The following ATG3 variants were observed in gnomAD, a reference collection of about 807,000 sequenced individuals.
ATG3 encodes autophagy related 3.
In ATG3, 25 loss-of-function variants were observed where a neutral mutation model predicts 50.7. That is an observed-to-expected ratio of 0.49 (90% CI 0.36 to 0.69). The LOEUF (loss-of-function observed/expected upper bound fraction) is 0.69. ATG3 is among the 30% of genes least tolerant of loss of function. The pLI, the probability that ATG3 is intolerant of heterozygous loss-of-function variation, is 0.00. For missense variants in ATG3, 281 were observed against 376.0 expected (o/e 0.75, Z 2.09); for synonymous variants, 119 against 125.5 (o/e 0.95, Z 0.34).
intron 2 of ATG3, among the ~76,000 whole-genome samples, chr3:112,553,634 A>G (rs1933586237): frequency 6.6e-6 from 1 of 152,232 alleles, no homozygotes; most frequent in Non-Finnish European, 1.5e-5. Flanking sequence ...AAGCAGTATA[A>G]TGAAATTGAT....
In ATG3 at chr3:112,550,272, C is replaced by G. The variant is rs775215004; in HGVS notation, c.165-10G>C. On this transcript the variant is annotated splice_polypyrimidine_tract_variant and intron_variant, in intron 3 of 11. Coordinates refer to ENST00000283290, the MANE Select transcript of ATG3 (RefSeq NM_022488.5). ...TTCTTCCCCTGTAGCCCTTTAAAAA[C>G]AGTGAAAAGCACCAAAATACAAAAC... 4 of 1,601,380 alleles carry G rather than the reference C, an allele frequency of 2.5e-6. No homozygotes were observed. In the South Asian group the frequency reaches 4.5e-5, roughly 18 times the overall value.
rs1389182573 is a variant in ATG3, at chr3:112,548,546, T to C, written c.330A>G (p.Thr110=). ...TTCTCCTCTTACCTGTGTTGTGATA[T>C]GTATCTACCCATCCGCCATCACCAT... ...EDDGDGGWVD[T]YHNTGITGIT... is the part of the protein sequence containing the mutation. Residue 110 remains threonine, a synonymous_variant, in exon 5 of 12, where the codon ACA becomes ACG. Coordinates refer to ENST00000283290, the MANE Select transcript of ATG3 (RefSeq NM_022488.5). The C allele has an allele frequency of 6.2e-6, 10 of 1,611,028 alleles. No individual in the cohort carries two copies. The highest frequency in any genetic ancestry group is 1.1e-5 in the South Asian group (1 of 91,030).
chr3:112,544,795 C>T (rs1034095209), intron 5 of ATG3, among the ~76,000 whole-genome samples: 2 of 151,860 alleles, frequency 1.3e-5, no homozygotes, highest in African/African-American at 4.8e-5. Flanking sequence ...ATCTGAAGTG[C>T]TTGGGACCAG....
At position 112,532,772 on chromosome 3, in the gene ATG3, A is replaced by G. The variant is rs1187914636; in HGVS notation, c.872T>C (p.Leu291Pro). ...GGELGVHMYL[L>P]IFLKFVQAVI... Reference sequence around the variant, plus strand: ...AGCTTGTACAAATTTCAAGAAAATAAGAAGATACCTAAAGGTTTTTAGCTA... The same window carrying G: ...AGCTTGTACAAATTTCAAGAAAATAGGAAGATACCTAAAGGTTTTTAGCTA... Residue 291 changes from leucine to proline, a missense_variant, in exon 12 of 12, where the codon CTT becomes CCT. Physicochemically the swap from Leu to Pro is moderately conservative, Grantham distance 98. Coordinates refer to ENST00000283290, the MANE Select transcript of ATG3 (RefSeq NM_022488.5). 6.3e-7 allele frequency: 1 copy of G among 1,595,286 alleles called. No homozygotes were observed. Among genetic ancestry groups the G allele is most frequent in the African/African-American group, 1.3e-5 (1 of 74,328 alleles).
chr3:112,537,667 A>C, intron 9 of ATG3, 68 bp downstream of exon 9: 2 of 1,246,290 alleles, frequency 1.6e-6, no homozygotes, highest in Non-Finnish European at 2.2e-6. Context: ...CATGGACCTA[A>C]TGAAGAAGAA....
chr3:112,546,503 T>C (rs1933374268), intron 5 of ATG3, among the ~76,000 whole-genome samples: 1 of 152,216 alleles, frequency 6.6e-6, no homozygotes, highest in Non-Finnish European at 1.5e-5. Context: ...ATTTGGCACT[T>C]AATATTTTTG....
At chr3:112,541,914 TAAG>T in intron 6 of ATG3, 30 bp from the exon 7 acceptor site, 1 of 1,548,916 alleles carries the variant, frequency 6.5e-7, no homozygotes, top group South Asian at 1.1e-5. Context: ...TAAAATCACT[TAAG>T]TATATACATT....
chr3:112,553,187 C>T (rs1933575516), intron 3 of ATG3, 93 bp downstream of exon 3: 3 of 1,057,148 alleles, frequency 2.8e-6, no homozygotes, highest in East Asian at 4.8e-5. Flanking sequence ...ACTGGTCATT[C>T]TAATTTTCAT....
chr3:112,558,329 A>G (rs1370705488), intron 2 of ATG3, 47 bp downstream of exon 2: 1 of 1,395,148 alleles, frequency 7.2e-7, no homozygotes. Context: ...CACCTAGTTT[A>G]GTATTATTGT....
intron 5 of ATG3, 52 bp downstream of exon 5, chr3:112,548,481 T>G (rs986528883): frequency 7.1e-7 from 1 of 1,410,782 alleles, no homozygotes; most frequent in South Asian, 1.2e-5. Context: ...TATAAAAGAT[T>G]GTGAAAGAGT....
At chr3:112,536,920 CAAAAAAAAAAAAAAAAAAAAAAAAAAAA>C (rs56353465) in intron 9 of ATG3, among the ~76,000 whole-genome samples, 5 of 68,404 alleles carry the variant, frequency 7.3e-5, no homozygotes, top group Non-Finnish European at 1.2e-4. Context: ...GACTCCATCT[CAAAAAAAAAAAAAAAAAAAAAAAAAAAA>C]AAAAAAAAAA....
intron 8 of ATG3, 115 bp from the exon 9 acceptor site, chr3:112,538,005 G>A (rs942649996): frequency 1.6e-6 from 2 of 1,253,716 alleles, no homozygotes; most frequent in Non-Finnish European, 2.2e-6. Flanking sequence ...AATGAACTTG[G>A]AACTCAAAGC....
chr3:112,532,963 A>C, intron 11 of ATG3, 183 bp from the exon 12 acceptor site: 1 of 1,259,134 alleles, frequency 7.9e-7, no homozygotes, highest in Non-Finnish European at 1.0e-6. Flanking sequence ...GCTCTTTAAG[A>C]CTACCTGACC....
Position 112,561,454 on chromosome 3 carries a change from T to C in ATG3, c.72+3A>G. 1 of 1,613,356 alleles carries C rather than the reference T, an allele frequency of 6.2e-7. No individual in the cohort carries two copies. The highest frequency in any genetic ancestry group is 8.5e-7 in the Non-Finnish European group (1 of 1,179,826). Reference sequence around the variant, plus strand: ...AGCTCCCGGCAACCCTGGCCTGGCTTACCTTGAGGACCGGGGTCAGGTACT... The same window carrying C: ...AGCTCCCGGCAACCCTGGCCTGGCTCACCTTGAGGACCGGGGTCAGGTACT... On this transcript the variant is annotated splice_donor_region_variant and intron_variant, in intron 1 of 11. Coordinates refer to ENST00000283290, the MANE Select transcript of ATG3 (RefSeq NM_022488.5).
intron 4 of ATG3, among the ~76,000 whole-genome samples, chr3:112,549,636 C>T (rs527301123): frequency 1.1e-4 from 17 of 152,098 alleles, no homozygotes; most frequent in Middle Eastern, 3.4e-3. Context: ...TGGCAAAACC[C>T]TGTCTCTACT....
chr3:112,558,518 A>C, intron 1 of ATG3, 101 bp from the exon 2 acceptor site: 2 of 888,614 alleles, frequency 2.3e-6, no homozygotes, highest in Non-Finnish European at 3.6e-6. Flanking sequence ...TAGGCAATAG[A>C]GCACATACAA....
chr3:112,537,754 C>A lies in ATG3; in HGVS notation c.647G>T (p.Trp216Leu). Residue 216 changes from tryptophan (W) to leucine (L), a missense_variant, in exon 9 of 12, where the codon TGG becomes TTG. Around this residue, in one of 3 missense-constraint regions of ATG3, gnomAD observed 242 missense variants for 305.0 expected, o/e 0.79. Coordinates refer to ENST00000283290, the MANE Select transcript of ATG3 (RefSeq NM_022488.5). ...TTTTACCTCATCATAGCCAAACAAC[C>A]ATAATCGTGGAGTCTGGTAATATTT... The part of the protein sequence containing the change: ...YDKYYQTPRL[W>L]LFGYDEQRQP... 6.3e-7 allele frequency: 1 copy of A among 1,581,794 alleles called. No individual in the cohort carries two copies. Among genetic ancestry groups the A allele is most frequent in the Non-Finnish European group, 8.6e-7 (1 of 1,168,092 alleles).
chr3:112,534,272 T>C lies in ATG3; in HGVS notation c.860A>G (p.His287Arg). ...VAEGGGELGVHMYLLIFLKFV... is the reference protein window; with the variant it reads ...VAEGGGELGVRMYLLIFLKFV... Reference sequence around the variant, plus strand: ...TCTTACATACAGGGAAGGATACATATGAACTCCAAGTTCTCCCCCTCCTTC... The same window carrying C: ...TCTTACATACAGGGAAGGATACATACGAACTCCAAGTTCTCCCCCTCCTTC... Residue 287 changes from histidine to arginine, a missense_variant, in exon 11 of 12, where the codon CAT becomes CGT. Around this residue, in one of 3 missense-constraint regions of ATG3, gnomAD observed 242 missense variants for 305.0 expected, o/e 0.79. Transcript: ENST00000283290. The C allele has an allele frequency of 1.9e-6, 3 of 1,601,870 alleles. No homozygotes were observed. Among genetic ancestry groups the C allele is most frequent in the Non-Finnish European group, 2.6e-6 (3 of 1,174,544 alleles).
intron 6 of ATG3, among the ~76,000 whole-genome samples, chr3:112,542,233 T>C (rs1180783124): frequency 1.3e-5 from 2 of 152,108 alleles, no homozygotes; most frequent in Non-Finnish European, 2.9e-5. Context: ...ACTTGTGCAC[T>C]TATAAGGGGA....
Sources: gnomAD v4.1 joint callset for allele counts (sites outside exome capture counted in the v4.1 genomes callset) on GRCh38, gnomAD v4.1.1 for gene constraint, gnomAD v4.1.1 regional missense constraint, MANE v1.5 for transcripts, NCBI Gene and HGNC (gene_info 2026-07-23, HGNC 2026-07-21) for gene names.